CCDC178: variants seen among roughly 807,000 people sequenced by gnomAD.
The protein encoded by CCDC178 is coiled-coil domain-containing protein 178.
CCDC178 carries 126 observed loss-of-function variants against 117.4 expected under a neutral mutation model. That is an observed-to-expected ratio of 1.07 (90% CI 0.93 to 1.24). The LOEUF is 1.24. CCDC178 is among the 50% of genes most tolerant of loss of function. The pLI is 0.00. For missense variants in CCDC178, 1,030 were observed against 986.9 expected, an observed-to-expected ratio of 1.04 and a Z score of -0.59; for synonymous variants, 283 against 313.4, an observed-to-expected ratio of 0.90 and a Z score of 1.02.
At chr18:33,172,855 G>C (rs899483169) in intron 20 of CCDC178, among the ~76,000 whole-genome samples, 1 of 152,032 alleles carries the variant, frequency 6.6e-6, no homozygotes, top group Non-Finnish European at 1.5e-5. Context: ...ATGAAGAAAT[G>C]TACACATTTA....
intron 9 of CCDC178, among the ~76,000 whole-genome samples, chr18:33,338,814 CA>C (rs2062777045): frequency 6.6e-6 from 1 of 151,954 alleles, no homozygotes; most frequent in Non-Finnish European, 1.5e-5. Context: ...ATAAGTGCAC[CA>C]AAATCTCAGA....
intron 5 of CCDC178, among the ~76,000 whole-genome samples, chr18:33,379,870 C>A (rs1189649087): frequency 6.6e-6 from 1 of 152,068 alleles, no homozygotes. Context: ...CCCTACTGCA[C>A]CATGATCTAT....
chr18:33,228,729 GTATT>G (rs1487526031), intron 15 of CCDC178, among the ~76,000 whole-genome samples: 1 of 152,186 alleles, frequency 6.6e-6, no homozygotes, highest in African/African-American at 2.4e-5. Context: ...AGGAGAGAAA[GTATT>G]TATCACTGGC....
At chr18:33,402,550 G>C (rs994121207) in intron 3 of CCDC178, among the ~76,000 whole-genome samples, 1 of 152,192 alleles carries the variant, frequency 6.6e-6, no homozygotes, top group Non-Finnish European at 1.5e-5. Flanking sequence ...AAAGCTGTGA[G>C]CATGATCAGG....
chr18:33,202,130 C>A (rs1311590412), intron 20 of CCDC178, among the ~76,000 whole-genome samples: 3 of 151,982 alleles, frequency 2.0e-5, no homozygotes, highest in Admixed American at 6.5e-5. Flanking sequence ...CGCGGTGGTT[C>A]ACGCCTGTAA....
At chr18:33,133,766 G>A (rs190059253) in intron 20 of CCDC178, among the ~76,000 whole-genome samples, 127 of 151,998 alleles carry the variant, frequency 8.4e-4, no homozygotes, top group Non-Finnish European at 1.5e-3. Flanking sequence ...AGTTTTCAAA[G>A]TAGTGATTGC....
chr18:33,273,703 C>T (rs2059913948), intron 12 of CCDC178, among the ~76,000 whole-genome samples: 1 of 151,600 alleles, frequency 6.6e-6, no homozygotes, highest in South Asian at 2.1e-4. Flanking sequence ...TCATACCATA[C>T]ACAAAAATTA....
intron 1 of CCDC178, 87 bp downstream of exon 1, chr18:33,440,566 G>T (rs12455797): frequency 0.65 from 98,053 of 151,700 alleles, 32,029 homozygotes; most frequent in South Asian, 0.81. Flanking sequence ...CGCGCAGGCG[G>T]GCGGCCAGGG....
At chr18:33,161,701 A>G (rs1395374786) in intron 20 of CCDC178, among the ~76,000 whole-genome samples, 1 of 152,064 alleles carries the variant, frequency 6.6e-6, no homozygotes, top group Non-Finnish European at 1.5e-5. Flanking sequence ...TACTATAAAT[A>G]AGAATTTGTT....
At chr18:33,246,665 A>C (rs2059552584) in intron 14 of CCDC178, among the ~76,000 whole-genome samples, 1 of 151,828 alleles carries the variant, frequency 6.6e-6, no homozygotes, top group Non-Finnish European at 1.5e-5. Context: ...AGAAGCATAA[A>C]ACTAGCTGAA....
chr18:33,216,702 A>G (rs1352587574), intron 18 of CCDC178, among the ~76,000 whole-genome samples: 1 of 152,074 alleles, frequency 6.6e-6, no homozygotes, highest in East Asian at 1.9e-4. Flanking sequence ...AACATTGGGT[A>G]CTGCATTTGA....
intron 21 of CCDC178, among the ~76,000 whole-genome samples, chr18:33,047,302 G>T (rs543075449): frequency 6.6e-6 from 1 of 152,220 alleles, no homozygotes; most frequent in African/African-American, 2.4e-5. Context: ...TAGTTGTTCT[G>T]GTTTAAGTTC....
Position 33,333,599 on chromosome 18 carries a change from T to C in CCDC178, c.659-205A>G, listed in dbSNP as rs546389539. Among the ~76,000 whole-genome samples, 20 of 143,930 alleles carry C rather than the reference T, an allele frequency of 1.4e-4. No homozygotes were observed. The Admixed American group carries it at 1.4e-3, about 10-fold the overall frequency. The allele number at this position is 143,930 out of a possible 152,430, so 94.4% of individuals were successfully genotyped here. The stretch of plus-strand genomic sequence containing the variant: ...GGCACGATCTTGGCTTACTGCAACC[T>C]CTGCCTCCCAGGTTCAAGCAATTCT... On this transcript the variant is annotated intron_variant, in intron 9 of 22. Coordinates refer to ENST00000383096, the MANE Select transcript of CCDC178 (RefSeq NM_001105528.4).
intron 20 of CCDC178, among the ~76,000 whole-genome samples, chr18:33,209,438 A>G (rs1314100724): frequency 1.3e-5 from 2 of 152,024 alleles, no homozygotes; most frequent in Non-Finnish European, 1.5e-5. Flanking sequence ...CAGATGATCC[A>G]TAATTGTGAT....
intron 9 of CCDC178, among the ~76,000 whole-genome samples, chr18:33,345,242 A>G (rs1164850217): frequency 1.3e-5 from 2 of 152,288 alleles, no homozygotes; most frequent in East Asian, 1.9e-4. Flanking sequence ...ATCCTATGAG[A>G]GAGTAAAAAT....
intron 3 of CCDC178, among the ~76,000 whole-genome samples, chr18:33,398,078 C>A (rs1328758624): frequency 6.6e-6 from 1 of 151,780 alleles, no homozygotes; most frequent in Non-Finnish European, 1.5e-5. Flanking sequence ...TAAAAATGAG[C>A]AATAATATCA....
At chr18:33,190,136 C>T (rs1013019152) in intron 20 of CCDC178, among the ~76,000 whole-genome samples, 2 of 152,170 alleles carry the variant, frequency 1.3e-5, no homozygotes, top group Admixed American at 6.5e-5. Flanking sequence ...CATGGTTCTA[C>T]TTCAGTGGCT....
At chr18:33,209,185 CAGTT>C (rs776497351) in intron 20 of CCDC178, among the ~76,000 whole-genome samples, 7 of 151,894 alleles carry the variant, frequency 4.6e-5, no homozygotes, top group South Asian at 2.1e-4. Context: ...AAATTATAGA[CAGTT>C]AGTAAAAATG....
chr18:32,980,775 A>G (rs890245886), intron 21 of CCDC178, among the ~76,000 whole-genome samples: 1 of 152,306 alleles, frequency 6.6e-6, no homozygotes, highest in East Asian at 1.9e-4. Flanking sequence ...TCAAATACTA[A>G]CAAAATCTGT....
Sources: gnomAD v4.1 joint callset for allele counts (sites outside exome capture counted in the v4.1 genomes callset) on GRCh38, gnomAD v4.1.1 for gene constraint, MANE v1.5 for transcripts, NCBI Gene and HGNC (gene_info 2026-07-23, HGNC 2026-07-21) for gene names.